Variants in UPK3B observed in about 807,000 individuals in gnomAD.
UPK3B encodes the protein uroplakin-3b.
In UPK3B, 21 loss-of-function variants were observed where a neutral mutation model predicts 27.6. The observed-to-expected ratio is 0.76, with a 90% CI of 0.54 to 1.10. The LOEUF (loss-of-function observed/expected upper bound fraction) is 1.10, where lower values mean the gene tolerates loss of function less well. Among genes scored for constraint, UPK3B ranks in the 50% least tolerant of loss-of-function variants. The probability of loss-of-function intolerance (pLI) is 0.00; values close to 1 mark genes in which losing one functional copy is unlikely to be tolerated. For missense variants in UPK3B, 306 were observed against 376.1 expected (o/e 0.81, Z 1.54); for synonymous variants, 141 against 162.3 (o/e 0.87, Z 1.00).
At position 76,515,212 on chromosome 7, in the gene UPK3B, T is replaced by A. The variant is rs1427810759; in HGVS notation, c.*8T>A. On this transcript the variant is annotated 3_prime_UTR_variant, in exon 6 of 6. Transcript: ENST00000334348. ...CCCAGCCTCAGCCCCTAGCCTGGCC[T>A]CTTTGCATGGGGCTGGGGGAGATGG... 1.9e-6 allele frequency: 3 copies of A among 1,591,912 alleles called. No individual in the cohort carries two copies. The African/African-American group carries it at 4.0e-5, about 21-fold the overall frequency.
At position 76,512,065 on chromosome 7, in the gene UPK3B, G is replaced by A. The variant is rs572510415; in HGVS notation, c.461+183G>A. 1.5e-4 allele frequency among the ~76,000 whole-genome samples: 23 copies of A among 151,880 alleles called. 1 individual carries two copies. The highest frequency in any genetic ancestry group is 4.4e-5 in the Non-Finnish European group (3 of 67,906). On this transcript the variant is annotated intron_variant, in intron 3 of 5. Coordinates refer to ENST00000334348, the MANE Select transcript of UPK3B (RefSeq NM_001347684.2). ...AACAGTGCTCACCCCCGCTGGGGCC[G>A]GGCAAGGCCCAGGAGGAGCAGGTGG...
In UPK3B at chr7:76,510,987, G is replaced by T. The variant is rs562721732; in HGVS notation, c.170G>T (p.Arg57Leu). The part of the protein sequence containing the change: ...TATTFSLEQP[R>L]CVFDGLASAS... Reference sequence around the variant, plus strand: ...ACCACCTTCTCCCTGGAGCAGCCGCGCTGTGTCTTCGATGGGCTTGCCAGC... The same window carrying T: ...ACCACCTTCTCCCTGGAGCAGCCGCTCTGTGTCTTCGATGGGCTTGCCAGC... Residue 57 changes from arginine to leucine, a missense_variant, in exon 2 of 6, where the codon CGC (arginine) becomes CTC (leucine). By Grantham distance (102) the Arg-to-Leu change is moderately radical. Around this residue, in one of 4 missense-constraint regions of UPK3B, gnomAD observed 21 missense variants for 58.4 expected, o/e 0.36. Transcript: ENST00000334348. The T allele has an allele frequency of 1.3e-6, 2 of 1,588,264 alleles. No individual in the cohort carries two copies. The highest frequency in any genetic ancestry group is 2.7e-5 in the African/African-American group (2 of 74,496).
chr7:76,515,233 G>C lies in UPK3B; in HGVS notation c.*29G>C. On this transcript the variant is annotated 3_prime_UTR_variant, in exon 6 of 6. Coordinates refer to ENST00000334348, the MANE Select transcript of UPK3B (RefSeq NM_001347684.2). ...GGCCTCTTTGCATGGGGCTGGGGGA[G>C]ATGGGGCGCTGGGAGTGAGTGCATG... is the stretch of plus-strand genomic sequence containing the variant. 6.3e-7 allele frequency: 1 copy of C among 1,584,296 alleles called. No individual in the cohort carries two copies. The highest frequency in any genetic ancestry group is 8.6e-7 in the Non-Finnish European group (1 of 1,165,122).
At position 76,515,201 on chromosome 7, in the gene UPK3B, C is replaced by T. The variant is rs866214080; in HGVS notation, c.828C>T (p.Pro276=). Reference sequence around the variant, plus strand: ...TGGACCCCCTCCCCAGCCTCAGCCCCTAGCCTGGCCTCTTTGCATGGGGCT... The same window carrying T: ...TGGACCCCCTCCCCAGCCTCAGCCCTTAGCCTGGCCTCTTTGCATGGGGCT... ...PGLDPLPSLS[P] is the part of the protein sequence containing the mutation. The change falls in exon 6 of 6, where the codon CCC becomes CCT. Residue 276 remains proline (P), a synonymous_variant. Transcript: ENST00000334348. 2 of 1,593,382 alleles carry T rather than the reference C, an allele frequency of 1.3e-6. No individual in the cohort carries two copies. The highest frequency in any genetic ancestry group is 2.3e-5 in the South Asian group (2 of 87,818).
Position 76,516,221 on chromosome 7 carries a change from A to T in UPK3B, c.*1017A>T. On this transcript the variant is annotated 3_prime_UTR_variant, in exon 6 of 6. Transcript: ENST00000334348. ...GATGCCACGTTGGCGGGGTCGGTGA[A>T]GGTCAGGACTCTAGGCCTCCCTCCG... 1 of 611,756 alleles carries T rather than the reference A, an allele frequency of 1.6e-6. No homozygotes were observed. Among genetic ancestry groups the T allele is most frequent in the Non-Finnish European group, 1.9e-6 (1 of 529,902 alleles). The allele number at this position is 611,756 out of a possible 1,614,324, so 37.9% of individuals were successfully genotyped here. A position where few individuals can be genotyped will look rare whatever the true frequency, so the allele number is the denominator to read the frequency against.
intron 5 of UPK3B, among the ~76,000 whole-genome samples, chr7:76,514,682 G>A (rs1448731623): frequency 1.3e-5 from 2 of 152,088 alleles, no homozygotes; most frequent in African/African-American, 4.8e-5. Flanking sequence ...GAGGTGGGAG[G>A]ATCACTGGAG....
intron 5 of UPK3B, 105 bp downstream of exon 5, chr7:76,514,181 T>G: frequency 6.5e-7 from 1 of 1,549,242 alleles, no homozygotes; most frequent in South Asian, 1.1e-5. Flanking sequence ...GTTTATTTTA[T>G]TTTTGGTAGA....
chr7:76,514,157 A>G (rs1584275255), intron 5 of UPK3B, 81 bp downstream of exon 5: 1 of 1,598,724 alleles, frequency 6.3e-7, no homozygotes, highest in Non-Finnish European at 8.6e-7. Context: ...GAAGCCCTCC[A>G]GGCATGCCAT....
rs1423439429 is a variant in UPK3B, at chr7:76,515,902, T to C, written c.*698T>C. Reference sequence around the variant, plus strand: ...GCTTCAGGCATAGCCGGTCCTGACCTTGGGGAGATGCCTTCTCTAGACCTG... The same window carrying C: ...GCTTCAGGCATAGCCGGTCCTGACCCTGGGGAGATGCCTTCTCTAGACCTG... On this transcript the variant is annotated 3_prime_UTR_variant, in exon 6 of 6. Coordinates refer to ENST00000334348, the MANE Select transcript of UPK3B (RefSeq NM_001347684.2). The C allele has an allele frequency of 4.4e-4, 267 of 610,540 alleles. 99 individuals carry two copies. Among genetic ancestry groups the C allele is most frequent in the Middle Eastern group, 2.3e-3 (2 of 888 alleles). 37.8% of individuals were successfully genotyped at this position (610,540 alleles called of 1,614,324 possible).
At chr7:76,514,968 A>C (rs985150055) in intron 5 of UPK3B, 77 bp from the exon 6 acceptor site, 84 of 1,477,726 alleles carry the variant, frequency 5.7e-5, no homozygotes, top group Non-Finnish European at 7.6e-5. Flanking sequence ...GCTGGGAGGG[A>C]GGAGAGCAGG....
chr7:76,516,356 G>A lies in UPK3B; in HGVS notation c.*1152G>A, dbSNP rs1179614718. 12 of 612,170 alleles carry A rather than the reference G, an allele frequency of 2.0e-5. 4 individuals carry two copies. In the East Asian group the frequency reaches 6.9e-4, roughly 35 times the overall value. 37.9% of individuals were successfully genotyped at this position (612,170 alleles called of 1,614,324 possible). On this transcript the variant is annotated 3_prime_UTR_variant, in exon 6 of 6. Transcript: ENST00000334348. The stretch of plus-strand genomic sequence containing the variant: ...GAAACTGAGGCTCAGTGACTTGCCC[G>A]CTGCACTCTGTCCACGGCCGCTGCA...
At chr7:76,513,189 C>T (rs1812596091) in intron 4 of UPK3B, 26 bp downstream of exon 4, 1 of 1,603,630 alleles carries the variant, frequency 6.2e-7, no homozygotes, top group Non-Finnish European at 8.5e-7. Flanking sequence ...AGGGGCGCTG[C>T]CCCCAGTGGA....
At position 76,510,976 on chromosome 7, in the gene UPK3B, G is replaced by T. The variant is rs1338643760; in HGVS notation, c.159G>T (p.Leu53=). The T allele has an allele frequency of 6.3e-7, 1 of 1,583,104 alleles. No homozygotes were observed. The highest frequency in any genetic ancestry group is 8.6e-7 in the Non-Finnish European group (1 of 1,166,084). The change falls in exon 2 of 6, where the codon CTG becomes CTT. Residue 53 remains leucine (L), a synonymous_variant. Transcript: ENST00000334348. ...AGGTCACAGCCACCACCTTCTCCCT[G>T]GAGCAGCCGCGCTGTGTCTTCGATG... ...EGKVTATTFS[L]EQPRCVFDGL...
rs1430195943 is a variant in UPK3B at position 76,511,725 on chromosome 7, G to A, written c.304G>A (p.Gly102Ser). 4 of 1,611,506 alleles carry A rather than the reference G, an allele frequency of 2.5e-6. No individual in the cohort carries two copies. Among genetic ancestry groups the A allele is most frequent in the Non-Finnish European group, 2.5e-6 (3 of 1,179,308 alleles). ...GGCCTCCCCACAGCTGCTGACCGATGGCCACTACATGACGCTGCCCCTGTC... is the reference window on the plus strand; with the variant it reads ...GGCCTCCCCACAGCTGCTGACCGATAGCCACTACATGACGCTGCCCCTGTC... ...IPASPQLLTD[G>S]HYMTLPLSPD... is the part of the protein sequence containing the mutation. Residue 102 changes from glycine (G) to serine (S), a missense_variant, in exon 3 of 6, where the codon GGC (glycine) becomes AGC (serine). By Grantham distance (56) the Gly-to-Ser change is moderately conservative (BLOSUM62 0). This residue lies in a region of UPK3B where 78 missense variants were observed against 120.2 expected (regional missense o/e 0.65). Coordinates refer to ENST00000334348, the MANE Select transcript of UPK3B (RefSeq NM_001347684.2).
At position 76,510,606 on chromosome 7, in the gene UPK3B, G is replaced by A. The variant is rs1283843532; in HGVS notation, c.-47G>A. The A allele has an allele frequency of 2.3e-5, 33 of 1,412,818 alleles. No individual in the cohort carries two copies. The highest frequency in any genetic ancestry group is 2.8e-5 in the Non-Finnish European group (30 of 1,076,116). The allele number at this position is 1,412,818 out of a possible 1,614,324, so 87.5% of individuals were successfully genotyped here. A position where few individuals can be genotyped will look rare whatever the true frequency, so the allele number is the denominator to read the frequency against. Reference sequence around the variant, plus strand: ...AGCTGTTGGGGGTGAGGTGCAGCCCGAAGCAGCCAGACCAGCCCCTGAGCC... The same window carrying A: ...AGCTGTTGGGGGTGAGGTGCAGCCCAAAGCAGCCAGACCAGCCCCTGAGCC... On this transcript the variant is annotated 5_prime_UTR_variant, in exon 1 of 6. Transcript: ENST00000334348.
chr7:76,513,454 G>A (rs550529561), intron 4 of UPK3B, among the ~76,000 whole-genome samples: 1 of 152,280 alleles, frequency 6.6e-6, no homozygotes, highest in Admixed American at 6.5e-5. Context: ...TGGGAGGGAG[G>A]AAGAGGGTGT....
rs1407738755 is a variant in UPK3B, at chr7:76,510,888, C to T, written c.86-15C>T. ...CCCGTCTCCGTGGCTCACCTTTTGT[C>T]CCCCGTGGCCACAGAGCTGGTGCCC... On this transcript the variant is annotated splice_polypyrimidine_tract_variant and intron_variant, in intron 1 of 5. Transcript: ENST00000334348. The T allele has an allele frequency of 3.1e-6, 5 of 1,594,180 alleles. No homozygotes were observed. The highest frequency in any genetic ancestry group is 1.3e-5 in the African/African-American group (1 of 74,560).
chr7:76,510,631 C>A lies in UPK3B; in HGVS notation c.-22C>A, dbSNP rs1378438495. On this transcript the variant is annotated 5_prime_UTR_variant, in exon 1 of 6. Transcript: ENST00000334348. ...GAAGCAGCCAGACCAGCCCCTGAGC[C>A]TCCCGGGTGCTGGCAGCTGTCATGG... The A allele has an allele frequency of 1.4e-6, 2 of 1,452,360 alleles. No individual in the cohort carries two copies. The highest frequency in any genetic ancestry group is 1.8e-6 in the Non-Finnish European group (2 of 1,096,260). 90.0% of individuals were successfully genotyped at this position (1,452,360 alleles called of 1,614,324 possible). A position where few individuals can be genotyped will look rare whatever the true frequency, so the allele number is the denominator to read the frequency against.
rs201466224 is a variant in UPK3B, at chr7:76,514,069, A to G, written c.664A>G (p.Met222Val). 4 of 1,613,878 alleles carry G rather than the reference A, an allele frequency of 2.5e-6. No individual in the cohort carries two copies. The highest frequency in any genetic ancestry group is 3.4e-6 in the Non-Finnish European group (4 of 1,179,888). The change falls in exon 5 of 6, where the codon ATG (methionine) becomes GTG (valine). Residue 222 changes from methionine to valine, a missense_variant. Transcript: ENST00000334348. ...LLLAFLAASTMRFSSLWWPEE... is the reference protein window; with the variant it reads ...LLLAFLAASTVRFSSLWWPEE... The stretch of plus-strand genomic sequence containing the variant: ...CTTGGCCTTCTTGGCAGCCTCTACC[A>G]TGCGCTTGTGAGTGGGGACACCCCC...
Sources: gnomAD v4.1 joint callset for allele counts (sites outside exome capture counted in the v4.1 genomes callset) on GRCh38, gnomAD v4.1.1 for gene constraint, gnomAD v4.1.1 regional missense constraint, MANE v1.5 for transcripts, NCBI Gene and HGNC (gene_info 2026-07-23, HGNC 2026-07-21) for gene names.